The following PSMD1 variants were observed in gnomAD, a reference collection of about 807,000 sequenced individuals.
PSMD1 encodes proteasome 26S subunit, non-ATPase 1, also known as 26S proteasome non-ATPase regulatory subunit 1.
A neutral mutation model predicts 119.0 loss-of-function variants in PSMD1; 18 were observed. The observed-to-expected ratio is 0.15, with a 90% CI of 0.10 to 0.22. PSMD1 has a LOEUF of 0.22. PSMD1 is among the 10% of genes least tolerant of loss of function. The pLI, the probability that PSMD1 is intolerant of heterozygous loss-of-function variation, is 1.00. For synonymous variants in PSMD1, 374 were observed against 396.6 expected (o/e 0.94, Z 0.68); for missense variants, 702 against 1,158.5 (o/e 0.61, Z 5.72).
intron 18 of PSMD1, among the ~76,000 whole-genome samples, chr2:231,153,301 GCATTCAA>G (rs773382781): frequency 6.6e-6 from 1 of 151,972 alleles, no homozygotes; most frequent in Non-Finnish European, 1.5e-5. Flanking sequence ...GTATGAAATC[GCATTCAA>G]CATTCCTTTG....
chr2:231,136,428 T>A (rs983433467), intron 16 of PSMD1, among the ~76,000 whole-genome samples: 1 of 152,232 alleles, frequency 6.6e-6, no homozygotes, highest in Non-Finnish European at 1.5e-5. Context: ...ACGGGCCAGA[T>A]TGGGCCCTTG....
chr2:231,165,034 T>TTTTATATATATATATATATA (rs1418024804), intron 21 of PSMD1, 166 bp from the exon 22 acceptor site: 2 of 21,836 alleles, frequency 9.2e-5, no homozygotes, highest in Admixed American at 6.4e-4. Context: ...TTATATATAT[T>TTTTATATATATATATATATA]TATATATATA....
At chr2:231,111,197 AATT>A (rs953875276) in intron 16 of PSMD1, among the ~76,000 whole-genome samples, 9 of 152,186 alleles carry the variant, frequency 5.9e-5, no homozygotes, top group East Asian at 1.9e-4. Context: ...CTTTGACTCT[AATT>A]ATTATTATTT....
chr2:231,061,754 G>A (rs1693765779), intron 2 of PSMD1, among the ~76,000 whole-genome samples: 1 of 151,782 alleles, frequency 6.6e-6, no homozygotes, highest in Non-Finnish European at 1.5e-5. Flanking sequence ...TGTTGTGATG[G>A]GGTCTCACTG....
At chr2:231,073,440 GTCTTGCA>G (rs1694086458) in intron 7 of PSMD1, among the ~76,000 whole-genome samples, 2 of 152,004 alleles carry the variant, frequency 1.3e-5, no homozygotes, top group Non-Finnish European at 2.9e-5. Flanking sequence ...ACTATGCTAA[GTCTTGCA>G]GTCAGGTATT....
chr2:231,124,741 A>G (rs2125235534), intron 16 of PSMD1, among the ~76,000 whole-genome samples: 1 of 152,144 alleles, frequency 6.6e-6, no homozygotes, highest in Non-Finnish European at 1.5e-5. Flanking sequence ...TATTTTTTTA[A>G]CCTTCCCAGT....
chr2:231,169,839 T>C (rs144193754), intron 23 of PSMD1, among the ~76,000 whole-genome samples: 5 of 152,272 alleles, frequency 3.3e-5, no homozygotes, highest in African/African-American at 1.2e-4. Context: ...TTACCTTCTG[T>C]AATATGTTTG....
intron 1 of PSMD1, chr2:231,060,505 T>G (rs1186598536): frequency 6.6e-6 from 1 of 152,236 alleles, no homozygotes; most frequent in Non-Finnish European, 1.5e-5. Context: ...ATATCATTTT[T>G]CCAATAATCC....
intron 16 of PSMD1, among the ~76,000 whole-genome samples, chr2:231,089,997 A>C (rs1038459016): frequency 2.6e-5 from 4 of 152,212 alleles, no homozygotes; most frequent in African/African-American, 9.6e-5. Flanking sequence ...ACCATCACAC[A>C]GCACATCTGT....
At position 231,080,221 on chromosome 2, in the gene PSMD1, T is replaced by C. The variant is rs1464818925; in HGVS notation, c.1320T>C (p.Gly440=). The change falls in exon 12 of 25, where the codon GGT becomes GGC. Residue 440 remains glycine, a synonymous_variant. Coordinates refer to ENST00000308696, the MANE Select transcript of PSMD1 (RefSeq NM_002807.4). The stretch of plus-strand genomic sequence containing the variant: ...CTCCAGGATCAGCCTATCAGGAAGG[T>C]GGAGGTCTCTATGCACTAGGTCTTA... ...DTSPGSAYQE[G]GGLYALGLIH... 3.1e-6 allele frequency: 5 copies of C among 1,613,182 alleles called. No homozygotes were observed. Among genetic ancestry groups the C allele is most frequent in the Non-Finnish European group, 8.5e-7 (1 of 1,179,288 alleles).
chr2:231,126,761 AT>A (rs1210478247), intron 16 of PSMD1, among the ~76,000 whole-genome samples: 4 of 151,908 alleles, frequency 2.6e-5, no homozygotes, highest in Non-Finnish European at 5.9e-5. Context: ...TGGTACTCTG[AT>A]TTTTTTTATT....
chr2:231,062,731 T>C, intron 4 of PSMD1, 56 bp downstream of exon 4: 1 of 1,348,556 alleles, frequency 7.4e-7, no homozygotes, highest in African/African-American at 1.5e-5. Flanking sequence ...CTTGCTGTAG[T>C]GCACATAGAA....
rs1559222363 is a variant in PSMD1 at position 231,080,250 on chromosome 2, A to T, written c.1349A>T (p.His450Leu). 1 of 1,612,970 alleles carries T rather than the reference A, an allele frequency of 6.2e-7. No homozygotes were observed. Among genetic ancestry groups the T allele is most frequent in the Non-Finnish European group, 8.5e-7 (1 of 1,179,094 alleles). Residue 450 changes from histidine to leucine, a missense_variant, in exon 12 of 25, where the codon CAT (histidine) becomes CTT (leucine). By Grantham distance (99) the His-to-Leu change is moderately conservative (BLOSUM62 -3). Coordinates refer to ENST00000308696, the MANE Select transcript of PSMD1 (RefSeq NM_002807.4). ...GGTCTCTATGCACTAGGTCTTATTC[A>T]TGCCAATCATGGTGGTGATATAATT... ...GGGLYALGLI[H>L]ANHGGDIIDY...
At chr2:231,123,770 G>C in intron 16 of PSMD1, 1 of 1,603,866 alleles carries the variant, frequency 6.2e-7, no homozygotes, top group Non-Finnish European at 8.5e-7. Context: ...GCCATTTGCT[G>C]TTTTTCTGTG....
In PSMD1 at chr2:231,056,949, G is replaced by A; in HGVS notation, c.-77G>A. ...GGGGAGCAAGGAGGCGCGGTGAACT[G>A]AGCGGCCCCTGAGCTGACAGATACA... On this transcript the variant is annotated 5_prime_UTR_variant, in exon 1 of 25. Transcript: ENST00000308696. The A allele has an allele frequency of 1.3e-6, 2 of 1,531,094 alleles. No individual in the cohort carries two copies. The highest frequency in any genetic ancestry group is 2.0e-5 in the Admixed American group (1 of 50,688). The allele number at this position is 1,531,094 out of a possible 1,614,324, so 94.8% of individuals were successfully genotyped here. A position where few individuals can be genotyped will look rare whatever the true frequency, so the allele number is the denominator to read the frequency against.
chr2:231,062,435 A>C (rs1425478702), intron 3 of PSMD1, 71 bp from the exon 4 acceptor site: 2 of 1,542,946 alleles, frequency 1.3e-6, no homozygotes, highest in Non-Finnish European at 1.8e-6. Flanking sequence ...TTGTGGCTTG[A>C]ATATTTAGAT....
At chr2:231,103,412 G>A (rs1003561866) in intron 16 of PSMD1, among the ~76,000 whole-genome samples, 1 of 152,118 alleles carries the variant, frequency 6.6e-6, no homozygotes, top group African/African-American at 2.4e-5. Context: ...GACTTATTGG[G>A]CCTGATTGTT....
intron 19 of PSMD1, among the ~76,000 whole-genome samples, chr2:231,154,011 G>A (rs1187279537): frequency 6.6e-6 from 1 of 152,100 alleles, no homozygotes; most frequent in Non-Finnish European, 1.5e-5. Context: ...TACTTGGGAG[G>A]CTGAGGCAGG....
At chr2:231,079,890 A>G (rs1694263177) in intron 11 of PSMD1, among the ~76,000 whole-genome samples, 1 of 152,198 alleles carries the variant, frequency 6.6e-6, no homozygotes. Flanking sequence ...GGATTTGGGC[A>G]AATGTTATAA....
Sources: gnomAD v4.1 joint callset for allele counts (sites outside exome capture counted in the v4.1 genomes callset) on GRCh38, gnomAD v4.1.1 for gene constraint, MANE v1.5 for transcripts, NCBI Gene and HGNC (gene_info 2026-07-23, HGNC 2026-07-21) for gene names.